NMNAT2: variants seen among roughly 807,000 people sequenced by gnomAD.
NMNAT2 encodes nicotinamide nucleotide adenylyltransferase 2, also known as nicotinamide/nicotinic acid mononucleotide adenylyltransferase 2.
NMNAT2 carries 11 observed loss-of-function variants against 41.6 expected under a neutral mutation model. That is an observed-to-expected ratio of 0.26 (90% confidence interval 0.17 to 0.44). The LOEUF is 0.44. Ranked by LOEUF, NMNAT2 falls within the 20% of genes least tolerant of loss-of-function variation. The probability of loss-of-function intolerance (pLI) is 1.00; values close to 1 mark genes in which losing one functional copy is unlikely to be tolerated. For synonymous variants in NMNAT2, 148 were observed against 151.2 expected, an observed-to-expected ratio of 0.98 and a Z score of 0.16; for missense variants, 288 against 407.7, an observed-to-expected ratio of 0.71 and a Z score of 2.53.
At chr1:183,393,076 C>G (rs1001467066) in intron 1 of NMNAT2, among the ~76,000 whole-genome samples, 2 of 152,186 alleles carry the variant, frequency 1.3e-5, no homozygotes, top group Admixed American at 1.3e-4. Context: ...AGCAAACTCA[C>G]AGAGAGCATC....
chr1:183,341,725 C>CAAAAAAAAAAAAAAAAAAAA lies in NMNAT2; in HGVS notation c.86-47952_86-47933dup, dbSNP rs762935303. On this transcript the variant is annotated intron_variant, in intron 1 of 10. Coordinates refer to ENST00000287713, the MANE Select transcript of NMNAT2 (RefSeq NM_015039.4). ...GAGGAAAAGACAAACAAACAAACACCAAAAAAAAAAAAAAAAAAAAAACCT... is the reference window on the plus strand; with the variant it reads ...GAGGAAAAGACAAACAAACAAACACCAAAAAAAAAAAAAAAAAAAAAAAAAAAAAAAAAAAAAAAAAACCT... Among the ~76,000 whole-genome samples, 39 of 22,208 alleles carry CAAAAAAAAAAAAAAAAAAAA rather than the reference C, an allele frequency of 1.8e-3. 8 individuals carry two copies. The highest frequency in any genetic ancestry group is 7.9e-3 in the East Asian group (2 of 254). The allele number at this position is 22,208 out of a possible 152,430, so 14.6% of individuals were successfully genotyped here. A position where few individuals can be genotyped will look rare whatever the true frequency, so the allele number is the denominator to read the frequency against.
At chr1:183,292,678 G>A (rs924943671) in intron 3 of NMNAT2, 112 bp downstream of exon 3, 6 of 949,784 alleles carry the variant, frequency 6.3e-6, no homozygotes, top group African/African-American at 3.3e-5. Context: ...TCTTGCCCCT[G>A]CCTCCCCATC....
intron 1 of NMNAT2, among the ~76,000 whole-genome samples, chr1:183,295,852 C>A (rs1008014924): frequency 8.5e-5 from 13 of 152,172 alleles, no homozygotes; most frequent in Admixed American, 8.5e-4. Flanking sequence ...TAGCTCATTT[C>A]TTTCTTTTTC....
chr1:183,398,501 A>T (rs1040659700), intron 1 of NMNAT2, among the ~76,000 whole-genome samples: 1 of 152,178 alleles, frequency 6.6e-6, no homozygotes, highest in African/African-American at 2.4e-5. Context: ...AGACAGATCA[A>T]CGAGACAGGA....
At chr1:183,394,433 G>A (rs370345630) in intron 1 of NMNAT2, among the ~76,000 whole-genome samples, 6 of 152,276 alleles carry the variant, frequency 3.9e-5, no homozygotes, top group East Asian at 1.9e-4. Context: ...CCTTGTCATC[G>A]AAAGTATCCA....
At chr1:183,416,526 A>G (rs1649256009) in intron 1 of NMNAT2, among the ~76,000 whole-genome samples, 1 of 152,244 alleles carries the variant, frequency 6.6e-6, no homozygotes, top group Non-Finnish European at 1.5e-5. Flanking sequence ...GATAGTCCTT[A>G]GAAGACTGAT....
At chr1:183,376,983 C>T (rs915298164) in intron 1 of NMNAT2, among the ~76,000 whole-genome samples, 1 of 152,090 alleles carries the variant, frequency 6.6e-6, no homozygotes. Flanking sequence ...AAGGAGAAAG[C>T]TCCCCTCTTG....
At chr1:183,359,945 T>C (rs1456395345) in intron 1 of NMNAT2, among the ~76,000 whole-genome samples, 4 of 152,214 alleles carry the variant, frequency 2.6e-5, no homozygotes, top group Admixed American at 2.6e-4. Flanking sequence ...TGTTGGCTCC[T>C]AGCATATACT....
At chr1:183,261,443 C>T (rs1660655279) in intron 8 of NMNAT2, 140 bp from the exon 9 acceptor site, 2 of 706,180 alleles carry the variant, frequency 2.8e-6, no homozygotes, top group South Asian at 3.3e-5. Context: ...TTCTTCTCAG[C>T]CCCATCAGCC....
chr1:183,361,059 G>A (rs1663296948), intron 1 of NMNAT2, among the ~76,000 whole-genome samples: 1 of 152,186 alleles, frequency 6.6e-6, no homozygotes, highest in Admixed American at 6.5e-5. Flanking sequence ...ACCACACTGA[G>A]CATGTATGCA....
At chr1:183,301,174 C>A (rs1252618380) in intron 1 of NMNAT2, among the ~76,000 whole-genome samples, 1 of 152,224 alleles carries the variant, frequency 6.6e-6, no homozygotes, top group Non-Finnish European at 1.5e-5. Flanking sequence ...AGGAGGCCAT[C>A]TCTCACCCTA....
intron 1 of NMNAT2, among the ~76,000 whole-genome samples, chr1:183,329,336 T>C (rs1386735670): frequency 1.3e-5 from 2 of 152,176 alleles, no homozygotes; most frequent in Non-Finnish European, 2.9e-5. Context: ...AAGTCATATA[T>C]CTTAGCATTG....
intron 1 of NMNAT2, among the ~76,000 whole-genome samples, chr1:183,382,173 T>C (rs1438023493): frequency 1.3e-5 from 2 of 152,288 alleles, no homozygotes; most frequent in South Asian, 2.1e-4. Flanking sequence ...TCATCTTACA[T>C]GGCTGGAGCA....
In NMNAT2 at chr1:183,290,115, T is replaced by G. The variant is rs111978743; in HGVS notation, c.321+13A>C. ...CTGGTGGTTCACGCATCCCCAGGCTTGGCCCAGCTCACCTTCATGAGGTCC... is the reference window on the plus strand; with the variant it reads ...CTGGTGGTTCACGCATCCCCAGGCTGGGCCCAGCTCACCTTCATGAGGTCC... On this transcript the variant is annotated intron_variant, in intron 4 of 10. Transcript: ENST00000287713. The G allele has an allele frequency of 3.8e-4, 590 of 1,565,894 alleles. 1 individual carries two copies. Among genetic ancestry groups the G allele is most frequent in the Admixed American group, 2.5e-3 (135 of 53,438 alleles).
intron 8 of NMNAT2, among the ~76,000 whole-genome samples, chr1:183,272,844 T>C (rs532671644): frequency 2.0e-5 from 3 of 152,180 alleles, no homozygotes; most frequent in Non-Finnish European, 4.4e-5. Flanking sequence ...CTGAAGATAT[T>C]TGGAGAAGAT....
intron 1 of NMNAT2, among the ~76,000 whole-genome samples, chr1:183,294,821 A>T (rs1661641530): frequency 6.6e-6 from 1 of 152,148 alleles, no homozygotes; most frequent in Non-Finnish European, 1.5e-5. Context: ...AAAATTGTCA[A>T]CAGGGCCTGA....
At chr1:183,342,918 A>ATTAT (rs1158502540) in intron 1 of NMNAT2, among the ~76,000 whole-genome samples, 2 of 150,620 alleles carry the variant, frequency 1.3e-5, no homozygotes, top group African/African-American at 4.9e-5. Flanking sequence ...TATTATTATT[A>ATTAT]TTATTATTAT....
chr1:183,338,603 T>C (rs1238805672), intron 1 of NMNAT2, among the ~76,000 whole-genome samples: 1 of 152,226 alleles, frequency 6.6e-6, no homozygotes, highest in East Asian at 1.9e-4. Flanking sequence ...TTTACATTAA[T>C]GCGTATTATT....
chr1:183,383,728 C>T (rs61809265), intron 1 of NMNAT2, among the ~76,000 whole-genome samples: 6,605 of 152,290 alleles, frequency 0.043, 212 homozygotes, highest in Non-Finnish European at 0.06. Context: ...ACAGAAGTTA[C>T]CTTTGCTCCA....
Sources: gnomAD v4.1 joint callset for allele counts (sites outside exome capture counted in the v4.1 genomes callset) on GRCh38, gnomAD v4.1.1 for gene constraint, MANE v1.5 for transcripts, NCBI Gene and HGNC (gene_info 2026-07-23, HGNC 2026-07-21) for gene names.